ZNF277: variants seen among roughly 807,000 people sequenced by gnomAD.
ZNF277 encodes zinc finger protein 277, also known as nuclear receptor-interacting factor 4.
In ZNF277, 55 loss-of-function variants were observed where a neutral mutation model predicts 60.7. The observed-to-expected ratio is 0.91, with a 90% confidence interval of 0.73 to 1.13. The LOEUF is 1.13. Among genes scored for constraint, ZNF277 ranks in the 50% most tolerant of loss-of-function variants. The pLI is 0.00. For synonymous variants in ZNF277, 178 were observed against 179.3 expected (o/e 0.99, Z 0.06); for missense variants, 510 against 523.0 (o/e 0.98, Z 0.24).
chr7:112,292,895 G>A (rs1036416131), intron 2 of ZNF277, among the ~76,000 whole-genome samples: 1 of 151,946 alleles, frequency 6.6e-6, no homozygotes, highest in African/African-American at 2.4e-5. Flanking sequence ...TTTTTGTTGT[G>A]TGTCTCATTA....
intron 1 of ZNF277, among the ~76,000 whole-genome samples, chr7:112,224,021 G>A (rs570837937): frequency 2.0e-4 from 30 of 152,336 alleles, no homozygotes; most frequent in African/African-American, 7.0e-4. Context: ...CTCGGGCACT[G>A]TCATTTAGAA....
intron 10 of ZNF277, among the ~76,000 whole-genome samples, 173 bp downstream of exon 10, chr7:112,340,058 C>T (rs965540012): frequency 2.0e-5 from 3 of 152,142 alleles, no homozygotes; most frequent in African/African-American, 7.2e-5. Flanking sequence ...CCATAATAGT[C>T]AAATATGGTT....
chr7:112,236,416 G>GT (rs1195207707), intron 1 of ZNF277, among the ~76,000 whole-genome samples: 1 of 151,924 alleles, frequency 6.6e-6, no homozygotes, highest in Non-Finnish European at 1.5e-5. Flanking sequence ...ATGGGCTTTA[G>GT]TTTTTTTCTT....
At chr7:112,243,744 A>G (rs1037976100) in intron 1 of ZNF277, among the ~76,000 whole-genome samples, 1 of 152,054 alleles carries the variant, frequency 6.6e-6, no homozygotes, top group African/African-American at 2.4e-5. Context: ...AAAACATTTG[A>G]ACATTTGTCA....
rs145206826 is a variant in ZNF277 at position 112,216,507 on chromosome 7, G to A, written c.91+9700G>A. Among the ~76,000 whole-genome samples, 5 of 152,064 alleles carry A rather than the reference G, an allele frequency of 3.3e-5. No individual in the cohort carries two copies. The East Asian group carries it at 7.8e-4, about 24-fold the overall frequency. On this transcript the variant is annotated intron_variant, in intron 1 of 11. Coordinates refer to ENST00000361822, the MANE Select transcript of ZNF277 (RefSeq NM_021994.3). ...GTATTTTTTGTATAGATGAGGTTTCGCCATGTTGCCAAGGCTGGTCTCGAA... is the reference window on the plus strand; with the variant it reads ...GTATTTTTTGTATAGATGAGGTTTCACCATGTTGCCAAGGCTGGTCTCGAA...
intron 1 of ZNF277, among the ~76,000 whole-genome samples, chr7:112,230,985 T>C (rs6466404): frequency 0.79 from 120,101 of 151,970 alleles, 47,614 homozygotes; most frequent in Middle Eastern, 0.84. Context: ...GAGGCGAAGG[T>C]GGGCAGATCA....
intron 5 of ZNF277, among the ~76,000 whole-genome samples, chr7:112,322,530 G>A (rs1435366217): frequency 2.0e-5 from 3 of 151,736 alleles, no homozygotes; most frequent in African/African-American, 7.3e-5. Flanking sequence ...ATACTTTCTG[G>A]CTACTATTGG....
chr7:112,236,948 T>C (rs1207304414), intron 1 of ZNF277, among the ~76,000 whole-genome samples: 1 of 152,118 alleles, frequency 6.6e-6, no homozygotes, highest in African/African-American at 2.4e-5. Context: ...CATCAGAGTA[T>C]AGAACATTCT....
At chr7:112,246,546 T>C (rs924705839) in intron 1 of ZNF277, among the ~76,000 whole-genome samples, 2 of 152,186 alleles carry the variant, frequency 1.3e-5, no homozygotes, top group African/African-American at 4.8e-5. Context: ...TTTGAGGACC[T>C]AAGAGAGCCA....
intron 1 of ZNF277, among the ~76,000 whole-genome samples, chr7:112,277,083 T>TTTTTTTTG (rs1791817391): frequency 7.1e-6 from 1 of 140,964 alleles, no homozygotes; most frequent in Non-Finnish European, 1.5e-5. Context: ...GTTGATTTTT[T>TTTTTTTTG]TTTTTTTTTT....
intron 2 of ZNF277, among the ~76,000 whole-genome samples, chr7:112,291,327 G>A (rs762637470): frequency 2.6e-5 from 4 of 152,110 alleles, no homozygotes; most frequent in Non-Finnish European, 5.9e-5. Flanking sequence ...GGGTGGGCAG[G>A]CAAGATATTG....
chr7:112,319,999 T>G (rs1792940453), intron 5 of ZNF277, among the ~76,000 whole-genome samples: 1 of 152,082 alleles, frequency 6.6e-6, no homozygotes, highest in African/African-American at 2.4e-5. Context: ...AGGTAATTAT[T>G]GACCTAGTGA....
At chr7:112,252,215 T>C (rs559751024) in intron 1 of ZNF277, among the ~76,000 whole-genome samples, 1 of 152,348 alleles carries the variant, frequency 6.6e-6, no homozygotes, top group Admixed American at 6.5e-5. Context: ...GTTCCATTGA[T>C]TTGCTTATTT....
chr7:112,276,492 C>G (rs1336188176), intron 1 of ZNF277, among the ~76,000 whole-genome samples: 1 of 152,044 alleles, frequency 6.6e-6, no homozygotes, highest in Non-Finnish European at 1.5e-5. Context: ...GGACGGGGAG[C>G]AAAAGACTTG....
Position 112,287,057 on chromosome 7 carries a change from G to A in ZNF277, c.276G>A (p.Leu92=). ...EHKIVIADVK[L]VADFQRYILY... ...AGATTGTCATAGCTGATGTCAAGTT[G>A]GTTGCTGATTTCCAAAGGTAAGTTC... is the stretch of plus-strand genomic sequence containing the variant. Residue 92 remains leucine (L), a synonymous_variant, in exon 2 of 12, where the codon TTG becomes TTA. Transcript: ENST00000361822. The A allele has an allele frequency of 6.2e-7, 1 of 1,613,870 alleles. No homozygotes were observed. The highest frequency in any genetic ancestry group is 8.5e-7 in the Non-Finnish European group (1 of 1,179,912).
At chr7:112,313,279 A>T (rs10253713) in intron 4 of ZNF277, among the ~76,000 whole-genome samples, 52,866 of 150,930 alleles carry the variant, frequency 0.35, 12,961 homozygotes, top group African/African-American at 0.7. Flanking sequence ...AGTATGTTTT[A>T]AAATTTTTTT....
At chr7:112,326,379 A>AACAC (rs367941891) in intron 5 of ZNF277, among the ~76,000 whole-genome samples, 6 of 151,564 alleles carry the variant, frequency 4.0e-5, no homozygotes, top group Non-Finnish European at 8.8e-5. Context: ...CCCACCCCAA[A>AACAC]ACACACACAC....
At chr7:112,239,824 ATTT>A (rs1466661441) in intron 1 of ZNF277, among the ~76,000 whole-genome samples, 2 of 152,236 alleles carry the variant, frequency 1.3e-5, no homozygotes, top group African/African-American at 4.8e-5. Context: ...TATTTTGAGT[ATTT>A]TGAGTAGAGG....
chr7:112,233,034 C>G (rs1471469173), intron 1 of ZNF277, among the ~76,000 whole-genome samples: 1 of 152,136 alleles, frequency 6.6e-6, no homozygotes, highest in Non-Finnish European at 1.5e-5. Flanking sequence ...GTGAAATGTT[C>G]TTGCTGACTA....
Sources: allele counts gnomAD v4.1 joint callset (sites outside exome capture counted in the v4.1 genomes callset), GRCh38; gene constraint gnomAD v4.1.1; transcripts MANE v1.5; gene names NCBI Gene and HGNC (gene_info 2026-07-23, HGNC 2026-07-21).